NPFFR2: variants seen among roughly 807,000 people sequenced by gnomAD.
NPFFR2 encodes the protein G-protein coupled receptor 74.
A neutral mutation model predicts 13.1 loss-of-function variants in NPFFR2; 15 were observed. The ratio of observed to expected loss-of-function variants is 1.15; its 90% CI spans 0.77 to 1.76. The LOEUF is 1.76. NPFFR2 is among the 40% of genes most tolerant of loss of function. NPFFR2 has a pLI of 0.00. For synonymous variants in NPFFR2, 190 were observed against 175.7 expected (o/e 1.08, Z -0.65); for missense variants, 572 against 503.5 (o/e 1.14, Z -1.30).
At chr4:72,044,898 T>G (rs1456309178) in intron 1 of NPFFR2, among the ~76,000 whole-genome samples, 1 of 152,204 alleles carries the variant, frequency 6.6e-6, no homozygotes, top group Non-Finnish European at 1.5e-5. Context: ...CTTTTCAGCT[T>G]CTACTAATCC....
At chr4:72,044,086 T>C (rs4396964) in intron 1 of NPFFR2, among the ~76,000 whole-genome samples, 135,401 of 152,190 alleles carry the variant, frequency 0.89, 61,380 homozygotes, top group Non-Finnish European at 0.98. Flanking sequence ...GGCTTTTCCC[T>C]GTTTTGCTTG....
chr4:72,043,624 G>T (rs941977307), intron 1 of NPFFR2, among the ~76,000 whole-genome samples: 1 of 152,242 alleles, frequency 6.6e-6, no homozygotes, highest in Non-Finnish European at 1.5e-5. Flanking sequence ...TTTTGTGCTT[G>T]CATGGGGCCT....
intron 1 of NPFFR2, among the ~76,000 whole-genome samples, chr4:72,104,548 C>T (rs1258967842): frequency 6.6e-6 from 1 of 152,046 alleles, no homozygotes; most frequent in Non-Finnish European, 1.5e-5. Flanking sequence ...AAGAGTCAAA[C>T]CTCATAAACC....
In NPFFR2 at chr4:72,070,612, G is replaced by A. The variant is rs540647546; in HGVS notation, c.-8+38412G>A. 2.3e-3 allele frequency among the ~76,000 whole-genome samples: 275 copies of A among 118,426 alleles called. 1 individual carries two copies. Among genetic ancestry groups the A allele is most frequent in the South Asian group, 0.012 (41 of 3,450 alleles). 77.7% of individuals were successfully genotyped at this position (118,426 alleles called of 152,430 possible). On this transcript the variant is annotated intron_variant, in intron 1 of 3. Coordinates refer to ENST00000308744, the MANE Select transcript of NPFFR2 (RefSeq NM_004885.3). ...CCTTTGTGCAAGATTGTGTTTTTAT[G>A]CAGAGTGTTTTGTGATAGTTATTTT...
At chr4:72,105,810 T>A (rs960234685) in intron 1 of NPFFR2, among the ~76,000 whole-genome samples, 1 of 152,004 alleles carries the variant, frequency 6.6e-6, no homozygotes, top group Non-Finnish European at 1.5e-5. Context: ...AAACCTTAAA[T>A]ATAATGAATG....
At chr4:72,102,630 T>C (rs1018374064) in intron 1 of NPFFR2, among the ~76,000 whole-genome samples, 2 of 150,018 alleles carry the variant, frequency 1.3e-5, no homozygotes. Context: ...GCGGTGTTTG[T>C]TTTTTTGTCC....
intron 1 of NPFFR2, among the ~76,000 whole-genome samples, chr4:72,064,022 C>T (rs1318175280): frequency 2.0e-5 from 3 of 152,090 alleles, no homozygotes. Context: ...ACAGTATAAA[C>T]AAAGGCATAG....
chr4:72,140,077 G>A (rs953838248), intron 3 of NPFFR2, among the ~76,000 whole-genome samples: 5 of 152,022 alleles, frequency 3.3e-5, no homozygotes, highest in Admixed American at 1.3e-4. Context: ...TTGGTGTATA[G>A]GAATGCTTGT....
intron 1 of NPFFR2, among the ~76,000 whole-genome samples, chr4:72,038,752 T>C (rs1368659104): frequency 1.3e-5 from 2 of 152,078 alleles, no homozygotes; most frequent in Non-Finnish European, 1.5e-5. Flanking sequence ...TAAAGTTACA[T>C]TAGCCATTCC....
At chr4:72,037,851 G>A (rs1039145888) in intron 1 of NPFFR2, among the ~76,000 whole-genome samples, 6 of 152,146 alleles carry the variant, frequency 3.9e-5, no homozygotes, top group Admixed American at 6.5e-5. Flanking sequence ...TTCAAAACTA[G>A]TGGCCCTATG....
chr4:72,106,228 A>G (rs950884825), intron 1 of NPFFR2, among the ~76,000 whole-genome samples: 2 of 152,044 alleles, frequency 1.3e-5, no homozygotes, highest in Non-Finnish European at 2.9e-5. Context: ...TGAGACATCT[A>G]ACATGGAAGG....
chr4:72,051,407 C>T (rs914091805), intron 1 of NPFFR2, among the ~76,000 whole-genome samples: 84 of 151,842 alleles, frequency 5.5e-4, no homozygotes, highest in Non-Finnish European at 1.1e-3. Context: ...GGGTACATAA[C>T]GAAATGGAGG....
chr4:72,095,356 T>C (rs1721034952), intron 1 of NPFFR2, among the ~76,000 whole-genome samples: 1 of 152,162 alleles, frequency 6.6e-6, no homozygotes, highest in Non-Finnish European at 1.5e-5. Flanking sequence ...GATGGGAGTA[T>C]TAACACCACG....
chr4:72,105,927 A>C (rs1721407214), intron 1 of NPFFR2, among the ~76,000 whole-genome samples: 1 of 152,056 alleles, frequency 6.6e-6, no homozygotes, highest in Non-Finnish European at 1.5e-5. Context: ...TTTTAGTTTC[A>C]GCTAAAGCCC....
At chr4:72,053,676 AC>A (rs1302499183) in intron 1 of NPFFR2, among the ~76,000 whole-genome samples, 2 of 151,876 alleles carry the variant, frequency 1.3e-5, no homozygotes, top group Non-Finnish European at 2.9e-5. Context: ...ATTTATGATG[AC>A]TTTCATATAG....
intron 1 of NPFFR2, among the ~76,000 whole-genome samples, chr4:72,085,302 C>A (rs1720734552): frequency 6.6e-6 from 1 of 152,056 alleles, no homozygotes; most frequent in Non-Finnish European, 1.5e-5. Flanking sequence ...GTGTCAAAAT[C>A]CTGTGAAATC....
chr4:72,056,508 T>C (rs1249439345), intron 1 of NPFFR2, among the ~76,000 whole-genome samples: 5 of 152,040 alleles, frequency 3.3e-5, no homozygotes, highest in Non-Finnish European at 7.4e-5. Flanking sequence ...TGCCTGCTAA[T>C]ACAACATACA....
intron 2 of NPFFR2, among the ~76,000 whole-genome samples, chr4:72,131,500 G>T (rs1722241902): frequency 6.6e-6 from 1 of 151,066 alleles, no homozygotes; most frequent in African/African-American, 2.4e-5. Context: ...AATGCTAGAT[G>T]ACGAGTTAGT....
chr4:72,072,911 A>G (rs1183571825), intron 1 of NPFFR2, among the ~76,000 whole-genome samples: 1 of 152,110 alleles, frequency 6.6e-6, no homozygotes, highest in Non-Finnish European at 1.5e-5. Flanking sequence ...TATGGATAAG[A>G]GGAACTAAGG....
Sources: allele counts gnomAD v4.1 joint callset (sites outside exome capture counted in the v4.1 genomes callset), GRCh38; gene constraint gnomAD v4.1.1; transcripts MANE v1.5; gene names NCBI Gene and HGNC (gene_info 2026-07-23, HGNC 2026-07-21).